The following ASPG variants were observed in gnomAD, a reference collection of about 807,000 sequenced individuals.
The protein encoded by ASPG is asparaginase, also known as 60 kDa lysophospholipase.
ASPG carries 53 observed loss-of-function variants against 63.2 expected under a neutral mutation model. The ratio of observed to expected loss-of-function variants is 0.84; its 90% confidence interval spans 0.67 to 1.05. ASPG has a LOEUF of 1.05. Among genes scored for constraint, ASPG ranks in the 50% least tolerant of loss-of-function variants. The pLI is 0.00. For synonymous variants in ASPG, 370 were observed against 355.0 expected (o/e 1.04, Z -0.48); for missense variants, 741 against 794.4 (o/e 0.93, Z 0.81).
chr14:104,109,083 C>T lies in ASPG; in HGVS notation c.1434-146C>T. ...CCTAGGCAGAGGATGGGGGGATGGG[C>T]CCTTGTCTGAGGCTAGGGCTGTGGG... On this transcript the variant is annotated intron_variant, in intron 12 of 15. Coordinates refer to ENST00000551177, the MANE Select transcript of ASPG (RefSeq NM_001080464.3). The surrounding 1 kb of genome is among the most constrained non-coding windows in gnomAD (Gnocchi z 4.8). 6.8e-7 allele frequency: 1 copy of T among 1,477,020 alleles called. No individual in the cohort carries two copies. Among genetic ancestry groups the T allele is most frequent in the South Asian group, 1.3e-5 (1 of 74,528 alleles). 91.5% of individuals were successfully genotyped at this position (1,477,020 alleles called of 1,614,324 possible). A position where few individuals can be genotyped will look rare whatever the true frequency, so the allele number is the denominator to read the frequency against.
rs897863433 is a variant in ASPG, at chr14:104,111,315, G to T, written c.1521-187G>T. The T allele has an allele frequency of 4.3e-6, 3 of 694,060 alleles. No homozygotes were observed. In the African/African-American group the frequency reaches 5.8e-5, roughly 13 times the overall value. 43.0% of individuals were successfully genotyped at this position (694,060 alleles called of 1,614,324 possible). On this transcript the variant is annotated intron_variant, in intron 13 of 15. Transcript: ENST00000551177. The stretch of plus-strand genomic sequence containing the variant: ...ACTTGAGTCGCAGTCCCACCCACTG[G>T]GTGAAACCAGGCTCCAGGCTGCCCG...
intron 1 of ASPG, among the ~76,000 whole-genome samples, chr14:104,088,768 C>T (rs956898359): frequency 6.6e-6 from 1 of 152,142 alleles, no homozygotes; most frequent in East Asian, 1.9e-4. Flanking sequence ...AGCTTGACTT[C>T]GCTGGTGACA....
rs1391732644 is a variant in ASPG, at chr14:104,104,740, G to A, written c.1050+5G>A. 4 of 1,580,240 alleles carry A rather than the reference G, an allele frequency of 2.5e-6. No individual in the cohort carries two copies. The highest frequency in any genetic ancestry group is 4.5e-5 in the East Asian group (2 of 44,256). ...AGCCTGGATGTCAGGAAGGAGGTGC[G>A]GGCGCTCTCGGGCTGTGGGCAACCC... On this transcript the variant is annotated splice_donor_5th_base_variant and intron_variant, in intron 9 of 15. Coordinates refer to ENST00000551177, the MANE Select transcript of ASPG (RefSeq NM_001080464.3).
In ASPG at chr14:104,109,668, G is replaced by T. The variant is rs1433640919; in HGVS notation, c.1520+353G>T. On this transcript the variant is annotated intron_variant, in intron 13 of 15. Transcript: ENST00000551177. The surrounding 1 kb of genome is among the most constrained non-coding windows in gnomAD (Gnocchi z 4.8). ...TGTCGGGTGTGAGAGGGGCTGGGGT[G>T]TGGACTGGGGGGTGGCTGGGGCTGC... is the stretch of plus-strand genomic sequence containing the variant. Among the ~76,000 whole-genome samples the T allele has an allele frequency of 2.7e-5, 4 of 150,394 alleles. No homozygotes were observed. Among genetic ancestry groups the T allele is most frequent in the African/African-American group, 7.3e-5 (3 of 40,830 alleles).
At position 104,109,879 on chromosome 14, in the gene ASPG, G is replaced by C; in HGVS notation, c.1520+564G>C. 2.2e-6 allele frequency: 2 copies of C among 898,672 alleles called. No homozygotes were observed. The highest frequency in any genetic ancestry group is 2.7e-6 in the Non-Finnish European group (2 of 750,940). 55.7% of individuals were successfully genotyped at this position (898,672 alleles called of 1,614,324 possible). A position where few individuals can be genotyped will look rare whatever the true frequency, so the allele number is the denominator to read the frequency against. ...GCCTTCCGATCTCATGCTGCCGAGT[G>C]ACCACCGAGGCAGGCTCAGGCCTTC... is the stretch of plus-strand genomic sequence containing the variant. On this transcript the variant is annotated intron_variant, in intron 13 of 15. Transcript: ENST00000551177. The surrounding 1 kb of genome is among the most constrained non-coding windows in gnomAD (Gnocchi z 4.8).
At chr14:104,088,535 G>A (rs1392535930) in intron 1 of ASPG, among the ~76,000 whole-genome samples, 1 of 152,134 alleles carries the variant, frequency 6.6e-6, no homozygotes, top group Non-Finnish European at 1.5e-5. Flanking sequence ...CTGTCCCAAA[G>A]TCCCTCCTGA....
rs971379561 is a variant in ASPG, at chr14:104,115,218, T to G, written c.*2674T>G. On this transcript the variant is annotated 3_prime_UTR_variant, in exon 16 of 16. Coordinates refer to ENST00000551177, the MANE Select transcript of ASPG (RefSeq NM_001080464.3). The stretch of plus-strand genomic sequence containing the variant: ...CAGCTGGAGGTAACCAGATTTCTCG[T>G]GTATGCTAGGAAGTTCCCCTTCTGG... 6.6e-6 allele frequency: 1 copy of G among 152,196 alleles called. No homozygotes were observed. Among genetic ancestry groups the G allele is most frequent in the Non-Finnish European group, 1.5e-5 (1 of 68,026 alleles). 9.4% of individuals were successfully genotyped at this position (152,196 alleles called of 1,614,324 possible). A position where few individuals can be genotyped will look rare whatever the true frequency, so the allele number is the denominator to read the frequency against.
In ASPG at chr14:104,103,376, C is replaced by T. The variant is rs542644062; in HGVS notation, c.641-187C>T. On this transcript the variant is annotated intron_variant, in intron 6 of 15. Transcript: ENST00000551177. ...GCACGCTGCGGAGCCTGGCACAGGC[C>T]GGACTGCGCGGAAGCCCGGGAGGAT... Among the ~76,000 whole-genome samples, 5 of 152,356 alleles carry T rather than the reference C, an allele frequency of 3.3e-5. No homozygotes were observed. In the East Asian group the frequency reaches 7.7e-4, roughly 24 times the overall value.
chr14:104,097,428 C>A, intron 4 of ASPG, 126 bp from the exon 5 acceptor site: 1 of 912,324 alleles, frequency 1.1e-6, no homozygotes, highest in Non-Finnish European at 1.6e-6. Context: ...GCCCGCCTGT[C>A]CTTCTCTTTC....
chr14:104,094,907 C>CG (rs1242574996), intron 3 of ASPG, among the ~76,000 whole-genome samples: 1 of 152,246 alleles, frequency 6.6e-6, no homozygotes, highest in Non-Finnish European at 1.5e-5. Context: ...AATGGCCCCC[C>CG]GGGCAGGCCC....
chr14:104,087,082 C>T (rs1296862152), intron 1 of ASPG, among the ~76,000 whole-genome samples: 2 of 152,124 alleles, frequency 1.3e-5, no homozygotes, highest in Non-Finnish European at 2.9e-5. Flanking sequence ...AGATTCCACC[C>T]ACCACACTGT....
chr14:104,097,867 A>ACGTTAGAGATGCGTATGGAGGTTCTG (rs1566830033), intron 5 of ASPG, among the ~76,000 whole-genome samples: 15 of 49,274 alleles, frequency 3.0e-4, no homozygotes, highest in African/African-American at 7.9e-4. Context: ...TGGAGGTTCT[A>ACGTTAGAGATGCGTATGGAGGTTCTG]CGTTAGAGAT....
intron 9 of ASPG, chr14:104,104,990 G>T (rs2037058859): frequency 1.7e-6 from 1 of 576,632 alleles, no homozygotes; most frequent in African/African-American, 1.9e-5. Context: ...GGAGACCTGA[G>T]GCTCCCCTAA....
Position 104,112,754 on chromosome 14 carries a change from G to C in ASPG, c.*210G>C. The C allele has an allele frequency of 8.4e-7, 1 of 1,185,008 alleles. No individual in the cohort carries two copies. The highest frequency in any genetic ancestry group is 1.2e-6 in the Non-Finnish European group (1 of 857,650). 73.4% of individuals were successfully genotyped at this position (1,185,008 alleles called of 1,614,324 possible). A position where few individuals can be genotyped will look rare whatever the true frequency, so the allele number is the denominator to read the frequency against. Reference sequence around the variant, plus strand: ...CTCTGAGAGGCTCTGTCTGGGTCCGGGACTGTGGATGTGTGTGGGGAGTCA... The same window carrying C: ...CTCTGAGAGGCTCTGTCTGGGTCCGCGACTGTGGATGTGTGTGGGGAGTCA... On this transcript the variant is annotated 3_prime_UTR_variant, in exon 16 of 16. Transcript: ENST00000551177.
At position 104,098,964 on chromosome 14, in the gene ASPG, G is replaced by A; in HGVS notation, c.625G>A (p.Gly209Ser). ...GAACCTGCTGCCTCTGGCCACAGTGGGTGCTGACATCACAAGTAAGCCCCG... is the reference window on the plus strand; with the variant it reads ...GAACCTGCTGCCTCTGGCCACAGTGAGTGCTGACATCACAAGTAAGCCCCG... ...SPNLLPLATV[G>S]ADITINRELV... Residue 209 changes from glycine (G) to serine (S), a missense_variant, in exon 6 of 16, where the codon GGT becomes AGT. Transcript: ENST00000551177. 1 of 1,596,162 alleles carries A rather than the reference G, an allele frequency of 6.3e-7. No homozygotes were observed. The highest frequency in any genetic ancestry group is 1.7e-5 in the Admixed American group (1 of 57,954).
At chr14:104,090,449 A>G (rs990095966) in intron 1 of ASPG, among the ~76,000 whole-genome samples, 4 of 152,242 alleles carry the variant, frequency 2.6e-5, no homozygotes, top group African/African-American at 9.6e-5. Flanking sequence ...CGGGCGGCTG[A>G]ACATCACAGA....
At chr14:104,105,702 G>A (rs921197237) in intron 10 of ASPG, among the ~76,000 whole-genome samples, 2 of 152,214 alleles carry the variant, frequency 1.3e-5, no homozygotes, top group Admixed American at 1.3e-4. Flanking sequence ...GACTGGCGGC[G>A]CTGCCTTAGT....
chr14:104,110,267 G>A lies in ASPG; in HGVS notation c.1520+952G>A. The A allele has an allele frequency of 1.0e-6, 1 of 985,172 alleles. No homozygotes were observed. The highest frequency in any genetic ancestry group is 1.2e-6 in the Non-Finnish European group (1 of 829,778). The allele number at this position is 985,172 out of a possible 1,614,324, so 61.0% of individuals were successfully genotyped here. A position where few individuals can be genotyped will look rare whatever the true frequency, so the allele number is the denominator to read the frequency against. On this transcript the variant is annotated intron_variant, in intron 13 of 15. Transcript: ENST00000551177. This position sits in a 1 kb window ranked among gnomAD's most constrained non-coding sequence, Gnocchi z 4.7. ...ATGGCGGGGGCTCGGCTCACTGGCT[G>A]GGAGGGGGTGGGTGCAGGCGCCTGC...
intron 11 of ASPG, 129 bp downstream of exon 11, chr14:104,107,023 C>T: frequency 2.3e-6 from 3 of 1,301,756 alleles, no homozygotes; most frequent in Non-Finnish European, 2.1e-6. Context: ...GACTGGGCAG[C>T]AGGACTGTCC....
Sources: allele counts gnomAD v4.1 joint callset (sites outside exome capture counted in the v4.1 genomes callset), GRCh38; gene constraint gnomAD v4.1.1; non-coding constraint Gnocchi (gnomAD v3.1); transcripts MANE v1.5; gene names NCBI Gene and HGNC (gene_info 2026-07-23, HGNC 2026-07-21).